ESRRB: variants seen among roughly 807,000 people sequenced by gnomAD.
ESRRB encodes the protein estrogen related receptor beta.
Under a neutral mutation model 46.0 loss-of-function variants are expected in ESRRB, and 16 were observed. The observed-to-expected ratio is 0.35, with a 90% CI of 0.24 to 0.53. The LOEUF is 0.53. Among genes scored for constraint, ESRRB ranks in the 20% least tolerant of loss-of-function variants. The pLI is 0.93. For synonymous variants in ESRRB, 246 were observed against 259.6 expected, an observed-to-expected ratio of 0.95 and a Z score of 0.50; for missense variants, 488 against 607.4, an observed-to-expected ratio of 0.80 and a Z score of 2.07.
chr14:76,409,767 G>A (rs1886353824), intron 1 of ESRRB, among the ~76,000 whole-genome samples: 1 of 152,024 alleles, frequency 6.6e-6, no homozygotes, highest in South Asian at 2.1e-4. Context: ...CTCCTTTGGG[G>A]AGAGGGTTTT....
chr14:76,324,703 G>A (rs1439436355), intron 1 of ESRRB, among the ~76,000 whole-genome samples: 2 of 152,194 alleles, frequency 1.3e-5, no homozygotes, highest in Non-Finnish European at 2.9e-5. Flanking sequence ...TTTGGGCTCA[G>A]CAAAGGCAGA....
At chr14:76,374,383 T>G (rs969152725), upstream of ESRRB, among the ~76,000 whole-genome samples, 3 of 152,078 alleles carry the variant, frequency 2.0e-5, no homozygotes, top group Non-Finnish European at 4.4e-5. Flanking sequence ...TGGGGCCTTC[T>G]AGGTGGCAGA....
rs547393138 is a variant in ESRRB at position 76,467,760 on chromosome 14, T to C, written c.577+5099T>C. Among the ~76,000 whole-genome samples, 3 of 152,240 alleles carry C rather than the reference T, an allele frequency of 2.0e-5. No homozygotes were observed. The East Asian group carries it at 5.8e-4, about 29-fold the overall frequency. ...GCCTGGCTAGGGTGTGGACTGACTC[T>C]GGAAAACCACTAGCTGCATTTCCTA... On this transcript the variant is annotated intron_variant, in intron 3 of 6. Transcript: ENST00000644823.
At chr14:76,406,612 G>T (rs972177002) in intron 1 of ESRRB, among the ~76,000 whole-genome samples, 1 of 152,174 alleles carries the variant, frequency 6.6e-6, no homozygotes, top group Non-Finnish European at 1.5e-5. Flanking sequence ...AGGTATGATG[G>T]CAGGCACCTG....
chr14:76,341,463 C>T (rs1884191322), intron 1 of ESRRB, among the ~76,000 whole-genome samples: 2 of 152,262 alleles, frequency 1.3e-5, no homozygotes, highest in South Asian at 4.1e-4. Context: ...CTCCTGCCTC[C>T]CTCAGAACTC....
chr14:76,423,896 G>T (rs1344598837), intron 1 of ESRRB, among the ~76,000 whole-genome samples: 1 of 152,082 alleles, frequency 6.6e-6, no homozygotes, highest in Admixed American at 6.6e-5. Context: ...CCTGGGGGGA[G>T]AGTGGGCAGG....
chr14:76,437,175 G>T (rs1348824823), intron 1 of ESRRB, among the ~76,000 whole-genome samples: 3 of 152,144 alleles, frequency 2.0e-5, no homozygotes, highest in Non-Finnish European at 2.9e-5. Context: ...GGGACTACAG[G>T]CCGGCGCCAC....
chr14:76,405,508 G>T (rs561109781), intron 1 of ESRRB, among the ~76,000 whole-genome samples: 1 of 152,258 alleles, frequency 6.6e-6, no homozygotes, highest in African/African-American at 2.4e-5. Flanking sequence ...AGTGTGGGTG[G>T]TTTATCTTGG....
chr14:76,386,249 CA>C (rs1371714778), intron 1 of ESRRB, among the ~76,000 whole-genome samples: 6 of 152,106 alleles, frequency 3.9e-5, no homozygotes, highest in Admixed American at 3.9e-4. Context: ...CAGTAAAATA[CA>C]GGATACCCAG....
chr14:76,457,895 A>G (rs2139979458), intron 2 of ESRRB, among the ~76,000 whole-genome samples: 1 of 152,180 alleles, frequency 6.6e-6, no homozygotes, highest in South Asian at 2.1e-4. Flanking sequence ...CACTGGTCTC[A>G]AACTCCTGAC....
intron 1 of ESRRB, among the ~76,000 whole-genome samples, chr14:76,428,960 T>A (rs1467259776): frequency 6.6e-6 from 1 of 152,144 alleles, no homozygotes; most frequent in Non-Finnish European, 1.5e-5. Flanking sequence ...GAGGCAACTC[T>A]CGCTGAAGCC....
intron 1 of ESRRB, among the ~76,000 whole-genome samples, chr14:76,332,729 T>TTA (rs1287184905): frequency 2.9e-4 from 4 of 13,864 alleles, no homozygotes; most frequent in Non-Finnish European, 4.5e-4. Flanking sequence ...TTATATATAT[T>TTA]TATATATTAT....
At chr14:76,476,212 A>G (rs2140019857) in intron 3 of ESRRB, among the ~76,000 whole-genome samples, 1 of 152,228 alleles carries the variant, frequency 6.6e-6, no homozygotes, top group Non-Finnish European at 1.5e-5. Flanking sequence ...CTATTCATGG[A>G]GCACTCAGAA....
chr14:76,354,747 T>C (rs1047010107), intron 1 of ESRRB, among the ~76,000 whole-genome samples: 3 of 150,118 alleles, frequency 2.0e-5, no homozygotes, highest in Non-Finnish European at 4.4e-5. Flanking sequence ...TTTGCTCTTG[T>C]TGCCCAGGCT....
At chr14:76,397,933 G>C (rs767063218) in intron 1 of ESRRB, among the ~76,000 whole-genome samples, 2 of 152,326 alleles carry the variant, frequency 1.3e-5, no homozygotes, top group South Asian at 2.1e-4. Context: ...CCAGGGGCTT[G>C]CACTATCTGT....
At chr14:76,336,583 C>G (rs1884128842) in intron 1 of ESRRB, among the ~76,000 whole-genome samples, 1 of 152,172 alleles carries the variant, frequency 6.6e-6, no homozygotes, top group African/African-American at 2.4e-5. Flanking sequence ...TGCTTCCTTC[C>G]TTCTATTGTC....
At chr14:76,332,228 A>C (rs2139737999) in intron 1 of ESRRB, among the ~76,000 whole-genome samples, 1 of 151,390 alleles carries the variant, frequency 6.6e-6, no homozygotes, top group East Asian at 2.0e-4. Context: ...ACCAAGTTAG[A>C]ATCTGCGTGG....
At chr14:76,486,417 C>T (rs1191327700) in intron 5 of ESRRB, among the ~76,000 whole-genome samples, 2 of 152,154 alleles carry the variant, frequency 1.3e-5, no homozygotes, top group African/African-American at 2.4e-5. Context: ...TATGAGCTGC[C>T]GAGTGACAGC....
rs371858824 is a variant in ESRRB at position 76,462,677 on chromosome 14, G to A, written c.577+16G>A. On this transcript the variant is annotated intron_variant, in intron 3 of 6. Coordinates refer to ENST00000644823, the MANE Select transcript of ESRRB (RefSeq NM_001379180.1). ...CTGAAGGAAGGTAAGAGACCCCACC[G>A]AGTCGGGGTTCACTGTGAGGCTCTG... 32 of 1,576,570 alleles carry A rather than the reference G, an allele frequency of 2.0e-5. No individual in the cohort carries two copies. Among genetic ancestry groups the A allele is most frequent in the African/African-American group, 2.0e-4 (15 of 74,230 alleles).
Sources: allele counts gnomAD v4.1 joint callset (sites outside exome capture counted in the v4.1 genomes callset), GRCh38; gene constraint gnomAD v4.1.1; transcripts MANE v1.5; gene names NCBI Gene and HGNC (gene_info 2026-07-23, HGNC 2026-07-21).